Variants in LYSMD1 observed in about 807,000 individuals in gnomAD.
LYSMD1 encodes the protein LysM domain containing 1.
A neutral mutation model predicts 19.3 loss-of-function variants in LYSMD1; 9 were observed. That is an observed-to-expected ratio of 0.47 (90% CI 0.28 to 0.81). LYSMD1 has a LOEUF of 0.81. Among genes scored for constraint, LYSMD1 ranks in the 40% least tolerant of loss-of-function variants. The probability of loss-of-function intolerance (pLI) is 0.11; values close to 1 mark genes in which losing one functional copy is unlikely to be tolerated. For missense variants in LYSMD1, 262 were observed against 279.8 expected (o/e 0.94, Z 0.45); for synonymous variants, 111 against 111.7 (o/e 0.99, Z 0.04).
chr1:151,161,086 A>G, intron 2 of LYSMD1, 66 bp from the exon 3 acceptor site: 1 of 1,565,480 alleles, frequency 6.4e-7, no homozygotes, highest in Non-Finnish European at 8.8e-7. Context: ...GGGCCAAGTG[A>G]GAGGTACATG....
intron 1 of LYSMD1, among the ~76,000 whole-genome samples, chr1:151,163,095 T>C (rs1029821656): frequency 6.6e-6 from 1 of 152,182 alleles, no homozygotes; most frequent in African/African-American, 2.4e-5. Flanking sequence ...TATTTTTCTT[T>C]GAACATTCCA....
the LYSMD1 span, among the ~76,000 whole-genome samples, chr1:151,152,984 T>G: frequency 6.6e-6 from 1 of 152,234 alleles, no homozygotes; most frequent in Non-Finnish European, 1.5e-5. Context: ...ACTATTCACT[T>G]CCTGTAGATT....
At chr1:151,158,710 A>C, downstream of LYSMD1, 1 of 1,602,274 alleles carries the variant, frequency 6.2e-7, no homozygotes, top group Non-Finnish European at 8.5e-7. Flanking sequence ...GGAGTCCTTC[A>C]GCTCAAAGAG....
chr1:151,148,516 A>T, the LYSMD1 span, among the ~76,000 whole-genome samples: 1 of 152,226 alleles, frequency 6.6e-6, no homozygotes, highest in Non-Finnish European at 1.5e-5. Flanking sequence ...AATATTAAAT[A>T]TTTAATAGTA....
the LYSMD1 span, among the ~76,000 whole-genome samples, chr1:151,151,659 G>A: frequency 6.6e-6 from 1 of 151,484 alleles, no homozygotes; most frequent in Non-Finnish European, 1.5e-5. Flanking sequence ...GCCAGGCGCA[G>A]TGGCTCACAC....
downstream of LYSMD1, among the ~76,000 whole-genome samples, chr1:151,155,762 C>T (rs375717840): frequency 2.2e-4 from 34 of 152,018 alleles, no homozygotes; most frequent in African/African-American, 7.2e-4. Context: ...TGTGGCTTCC[C>T]CTCATTTTGT....
At chr1:151,154,027 A>G in the LYSMD1 span, among the ~76,000 whole-genome samples, 1 of 152,068 alleles carries the variant, frequency 6.6e-6, no homozygotes, top group Non-Finnish European at 1.5e-5. Context: ...ACATTATAAC[A>G]TGTGACTCCT....
At chr1:151,150,608 A>G in the LYSMD1 span, among the ~76,000 whole-genome samples, 1 of 152,102 alleles carries the variant, frequency 6.6e-6, no homozygotes, top group East Asian at 1.9e-4. Flanking sequence ...CCTCCTTGAA[A>G]TGCTTTCTTC....
chr1:151,150,315 C>T, the LYSMD1 span, among the ~76,000 whole-genome samples: 3 of 152,326 alleles, frequency 2.0e-5, no homozygotes, highest in Admixed American at 2.0e-4. Context: ...TCAAGTAATT[C>T]CCATGATTAA....
chr1:151,152,630 G>A, the LYSMD1 span, among the ~76,000 whole-genome samples: 1 of 151,430 alleles, frequency 6.6e-6, no homozygotes, highest in Non-Finnish European at 1.5e-5. Flanking sequence ...AACCCAGGAG[G>A]CAGAGGTTGC....
chr1:151,159,010 G>A, downstream of LYSMD1: 1 of 1,614,254 alleles, frequency 6.2e-7, no homozygotes, highest in Non-Finnish European at 8.5e-7. Context: ...ACTTAGCTTT[G>A]GTGAGGTAGA....
At chr1:151,161,151 C>T (rs1683432541) in intron 2 of LYSMD1, 131 bp from the exon 3 acceptor site, 1 of 880,188 alleles carries the variant, frequency 1.1e-6, no homozygotes, top group Non-Finnish European at 1.7e-6. Context: ...TCAGTACCCT[C>T]TAGATAAATC....
chr1:151,162,395 C>T (rs1683489088), intron 1 of LYSMD1, among the ~76,000 whole-genome samples: 1 of 151,382 alleles, frequency 6.6e-6, no homozygotes, highest in African/African-American at 2.4e-5. Context: ...AATTAGAGTC[C>T]AGCCTGAGTA....
At chr1:151,159,409 C>T (rs1200870951), downstream of LYSMD1, 5 of 750,288 alleles carry the variant, frequency 6.7e-6, no homozygotes, top group East Asian at 1.1e-4. Context: ...CCAGCCCACC[C>T]CCAAACAGCT....
downstream of LYSMD1, chr1:151,159,355 T>C: frequency 8.3e-7 from 1 of 1,204,562 alleles, no homozygotes; most frequent in Non-Finnish European, 1.2e-6. Context: ...CACTTTTCAA[T>C]CTTCAGGCTT....
chr1:151,158,818 G>A, downstream of LYSMD1: 1 of 1,614,178 alleles, frequency 6.2e-7, no homozygotes, highest in African/African-American at 1.3e-5. Flanking sequence ...GGTGCTAGAT[G>A]AGCTCTACCG....
At chr1:151,164,120 G>A (rs955257575) in intron 1 of LYSMD1, among the ~76,000 whole-genome samples, 8 of 151,460 alleles carry the variant, frequency 5.3e-5, no homozygotes, top group African/African-American at 1.7e-4. Context: ...TCTCGTACTC[G>A]TAACCTTAGG....
chr1:151,155,052 G>A (rs769655793), downstream of LYSMD1, among the ~76,000 whole-genome samples: 23 of 152,098 alleles, frequency 1.5e-4, no homozygotes, highest in African/African-American at 5.1e-4. Context: ...GAGCCACCGC[G>A]CCCGGCCTGG....
the LYSMD1 span, among the ~76,000 whole-genome samples, chr1:151,150,653 A>T: frequency 6.6e-6 from 1 of 152,050 alleles, no homozygotes; most frequent in South Asian, 2.1e-4. Context: ...CTCTTAACAA[A>T]GACTAGGGGC....
Sources: allele counts gnomAD v4.1 joint callset (sites outside exome capture counted in the v4.1 genomes callset), GRCh38; gene constraint gnomAD v4.1.1; transcripts MANE v1.5; gene names NCBI Gene and HGNC (gene_info 2026-07-23, HGNC 2026-07-21).